Variants in NPSR1 observed in about 807,000 individuals in gnomAD.
NPSR1 encodes neuropeptide S receptor.
In NPSR1, 48 loss-of-function variants were observed where a neutral mutation model predicts 46.9. The observed-to-expected ratio is 1.02, with a 90% CI of 0.81 to 1.30. NPSR1 has a LOEUF of 1.30. NPSR1 is among the 50% of genes most tolerant of loss of function. NPSR1 has a pLI of 0.00. For missense variants in NPSR1, 450 were observed against 449.5 expected (o/e 1.00, Z -0.01); for synonymous variants, 176 against 168.1 (o/e 1.05, Z -0.36).
rs1490929550 is a variant in NPSR1, at chr7:34,849,898, C to G, written c.*243C>G. 3.1e-6 allele frequency: 4 copies of G among 1,282,500 alleles called. No individual in the cohort carries two copies. Among genetic ancestry groups the G allele is most frequent in the Non-Finnish European group, 4.0e-6 (4 of 1,006,638 alleles). 79.4% of individuals were successfully genotyped at this position (1,282,500 alleles called of 1,614,324 possible). ...TTCCTTCCCCACCATTCCCAGCCCT[C>G]CTTCCCACTGGCCAGCACCTGAACC... On this transcript the variant is annotated 3_prime_UTR_variant, in exon 9 of 9. Transcript: ENST00000360581.
chr7:34,732,555 G>A (rs571103476), intron 2 of NPSR1, among the ~76,000 whole-genome samples: 2 of 152,250 alleles, frequency 1.3e-5, no homozygotes, highest in South Asian at 2.1e-4. Context: ...CCCACCTCCT[G>A]ACATGGGGAA....
intron 2 of NPSR1, among the ~76,000 whole-genome samples, chr7:34,768,611 T>C (rs1245497653): frequency 1.3e-5 from 2 of 152,216 alleles, no homozygotes; most frequent in African/African-American, 4.8e-5. Context: ...GGAATTTGAA[T>C]GTCTAAGTCT....
At chr7:34,856,801 G>C (rs758491586) in intron 8 of NPSR1, among the ~76,000 whole-genome samples, 5 of 151,522 alleles carry the variant, frequency 3.3e-5, no homozygotes, top group African/African-American at 4.9e-5. Flanking sequence ...GGTAAGTCTA[G>C]AATTAGGCAG....
At position 34,758,848 on chromosome 7, in the gene NPSR1, A is replaced by G. The variant is rs1169742112; in HGVS notation, c.281-19614A>G. ...TTTTTAGCACAAAAAACCCCGAATC[A>G]TGTATTGTATTCAGTTGCCATGTAC... On this transcript the variant is annotated intron_variant, in intron 2 of 8. Coordinates refer to ENST00000360581, the MANE Select transcript of NPSR1 (RefSeq NM_207172.2). Among the ~76,000 whole-genome samples, 2 of 152,180 alleles carry G rather than the reference A, an allele frequency of 1.3e-5. 1 individual carries two copies. The highest frequency in any genetic ancestry group is 3.9e-4 in the East Asian group (2 of 5,192).
intron 2 of NPSR1, among the ~76,000 whole-genome samples, chr7:34,700,066 A>T (rs1374151384): frequency 6.6e-6 from 1 of 152,174 alleles, no homozygotes; most frequent in Non-Finnish European, 1.5e-5. Context: ...TTTTGCTGGT[A>T]ACTTGGGAAC....
intron 2 of NPSR1, among the ~76,000 whole-genome samples, chr7:34,705,599 ATCTC>A (rs60599463): frequency 0.4 from 58,240 of 147,110 alleles, 11,698 homozygotes; most frequent in African/African-American, 0.5. Flanking sequence ...ATGTATGTTG[ATCTC>A]TCTCTCTCTC....
At chr7:34,689,625 A>G (rs1212582663) in intron 2 of NPSR1, among the ~76,000 whole-genome samples, 42 of 140,524 alleles carry the variant, frequency 3.0e-4, no homozygotes, top group Non-Finnish European at 4.3e-4. Flanking sequence ...AAAAAAAAAA[A>G]AAAAAAAAAG....
At chr7:34,751,261 G>A (rs1785508572) in intron 2 of NPSR1, 3 of 981,586 alleles carry the variant, frequency 3.1e-6, no homozygotes, top group Admixed American at 3.4e-5. Context: ...GGGAAGTGGA[G>A]ACTTTTCTAG....
intron 1 of NPSR1, among the ~76,000 whole-genome samples, chr7:34,672,104 C>T (rs921599448): frequency 2.0e-5 from 3 of 152,150 alleles, no homozygotes; most frequent in African/African-American, 7.2e-5. Flanking sequence ...TTCCATATTT[C>T]AAGAGTCTAG....
At position 34,849,710 on chromosome 7, in the gene NPSR1, G is replaced by T; in HGVS notation, c.*55G>T. 6.2e-7 allele frequency: 1 copy of T among 1,600,716 alleles called. No homozygotes were observed. On this transcript the variant is annotated 3_prime_UTR_variant, in exon 9 of 9. Transcript: ENST00000360581. ...GCACCATCAGCTCTCCCAGGTCCTT[G>T]TCACCTGCTTGGGCACGTGCATGGA...
intron 4 of NPSR1, among the ~76,000 whole-genome samples, chr7:34,819,102 C>CA (rs1187083258): frequency 6.6e-6 from 1 of 152,034 alleles, no homozygotes; most frequent in African/African-American, 2.4e-5. Flanking sequence ...TTCTGCACAG[C>CA]AAAAGAAACT....
chr7:34,714,659 A>G (rs1054594373), intron 2 of NPSR1, among the ~76,000 whole-genome samples: 1 of 152,200 alleles, frequency 6.6e-6, no homozygotes, highest in Non-Finnish European at 1.5e-5. Flanking sequence ...GTGAGCTCCA[A>G]GCTGGGCTCA....
At chr7:34,696,672 A>C (rs1169417258) in intron 2 of NPSR1, among the ~76,000 whole-genome samples, 1 of 152,030 alleles carries the variant, frequency 6.6e-6, no homozygotes, top group Non-Finnish European at 1.5e-5. Context: ...AGCATGAAAA[A>C]AGAAAGGACA....
At chr7:34,845,500 G>A in intron 7 of NPSR1, 3 of 444,810 alleles carry the variant, frequency 6.7e-6, no homozygotes, top group Non-Finnish European at 1.3e-5. Context: ...ACTATTTCCT[G>A]TCTGAAATGC....
chr7:34,804,193 CA>C (rs1296340200), intron 3 of NPSR1, among the ~76,000 whole-genome samples: 1 of 151,972 alleles, frequency 6.6e-6, no homozygotes, highest in Non-Finnish European at 1.5e-5. Context: ...ATTCTAAAAC[CA>C]ATGATATTAA....
chr7:34,762,905 G>A (rs1398433457), intron 2 of NPSR1, among the ~76,000 whole-genome samples: 4 of 152,170 alleles, frequency 2.6e-5, no homozygotes, highest in Admixed American at 6.5e-5. Flanking sequence ...AGCTTGCTAC[G>A]TATTCATTAT....
At chr7:34,674,182 T>A (rs1253010668) in intron 1 of NPSR1, among the ~76,000 whole-genome samples, 2 of 152,122 alleles carry the variant, frequency 1.3e-5, no homozygotes, top group African/African-American at 2.4e-5. Context: ...GCAGGTAGGG[T>A]GAGATGTGGG....
At chr7:34,684,495 G>C (rs1792822577) in intron 1 of NPSR1, 57 bp from the exon 2 acceptor site, 1 of 1,574,366 alleles carries the variant, frequency 6.4e-7, no homozygotes, top group Non-Finnish European at 8.6e-7. Context: ...CAGGCATTCT[G>C]TAAAGAACTC....
chr7:34,844,804 C>T, intron 6 of NPSR1, 92 bp from the exon 7 acceptor site: 1 of 842,396 alleles, frequency 1.2e-6, no homozygotes, highest in South Asian at 1.4e-5. Flanking sequence ...TAAGTGAAAA[C>T]TGGAGTCTAA....
Sources: gnomAD v4.1 joint callset for allele counts (sites outside exome capture counted in the v4.1 genomes callset) on GRCh38, gnomAD v4.1.1 for gene constraint, MANE v1.5 for transcripts, NCBI Gene and HGNC (gene_info 2026-07-23, HGNC 2026-07-21) for gene names.